Variants in ARL5B observed in about 807,000 individuals in gnomAD.
ARL5B encodes the protein ADP-ribosylation factor-like protein 5B.
ARL5B carries 10 observed loss-of-function variants against 26.9 expected under a neutral mutation model. The ratio of observed to expected loss-of-function variants is 0.37; its 90% CI spans 0.23 to 0.63. The LOEUF is 0.63. ARL5B is among the 30% of genes least tolerant of loss of function. The pLI, the probability that ARL5B is intolerant of heterozygous loss-of-function variation, is 0.62. For missense variants in ARL5B, 167 were observed against 213.9 expected (o/e 0.78, Z 1.37); for synonymous variants, 87 against 70.4 (o/e 1.24, Z -1.18).
intron 3 of ARL5B, among the ~76,000 whole-genome samples, chr10:18,671,628 T>TCATCTCCTC (rs1163993089): frequency 1.3e-5 from 2 of 151,828 alleles, no homozygotes; most frequent in Non-Finnish European, 2.9e-5. Context: ...TTTCGCTGTA[T>TCATCTCCTC]CATCTCCTCC....
Position 18,676,290 on chromosome 10 carries a change from A to G in ARL5B, c.*1074A>G, listed in dbSNP as rs1282288731. The G allele has an allele frequency of 6.6e-6, 1 of 152,510 alleles. No homozygotes were observed. The highest frequency in any genetic ancestry group is 1.9e-4 in the East Asian group (1 of 5,202). 9.4% of individuals were successfully genotyped at this position (152,510 alleles called of 1,614,324 possible). On this transcript the variant is annotated 3_prime_UTR_variant, in exon 6 of 6. Transcript: ENST00000377275. Reference sequence around the variant, plus strand: ...AATTTATTTGACGGTATTATGTAATAGACTTGAAACAATTGCCATCTTTGT... The same window carrying G: ...AATTTATTTGACGGTATTATGTAATGGACTTGAAACAATTGCCATCTTTGT...
intron 4 of ARL5B, among the ~76,000 whole-genome samples, chr10:18,673,718 A>T (rs2059898171): frequency 6.6e-6 from 1 of 152,040 alleles, no homozygotes. Flanking sequence ...CTATTAGAAT[A>T]TTAATTATGT....
At position 18,680,814 on chromosome 10, in the gene ARL5B, A is replaced by G. The variant is rs1263891234; in HGVS notation, c.*5598A>G. On this transcript the variant is annotated 3_prime_UTR_variant, in exon 6 of 6. Coordinates refer to ENST00000377275, the MANE Select transcript of ARL5B (RefSeq NM_178815.5). ...CAACAACAACAAAAACCTAACAGCA[A>G]TTACAACCTTGGTGTTGCGTTTATT... is the stretch of plus-strand genomic sequence containing the variant. The G allele has an allele frequency of 2.6e-5, 4 of 152,182 alleles. No individual in the cohort carries two copies. The highest frequency in any genetic ancestry group is 6.5e-5 in the Admixed American group (1 of 15,268). 9.4% of individuals were successfully genotyped at this position (152,182 alleles called of 1,614,324 possible). A position where few individuals can be genotyped will look rare whatever the true frequency, so the allele number is the denominator to read the frequency against.
intron 3 of ARL5B, among the ~76,000 whole-genome samples, chr10:18,671,144 A>G (rs969547786): frequency 8.5e-5 from 13 of 152,068 alleles, no homozygotes; most frequent in Non-Finnish European, 1.6e-4. Context: ...AACTCAGTTT[A>G]TATTCAGATT....
At chr10:18,659,759 G>A (rs1160268114) in intron 1 of ARL5B, 76 bp downstream of exon 1, 1 of 1,581,598 alleles carries the variant, frequency 6.3e-7, no homozygotes. Flanking sequence ...ACCGGAGACA[G>A]GGGACAGAGC....
intron 1 of ARL5B, among the ~76,000 whole-genome samples, chr10:18,663,706 G>A (rs753076349): frequency 6.6e-6 from 1 of 151,270 alleles, no homozygotes; most frequent in Non-Finnish European, 1.5e-5. Flanking sequence ...CTGCCACCAC[G>A]CCCGGCTGAT....
chr10:18,672,597 G>T, intron 3 of ARL5B, 25 bp from the exon 4 acceptor site: 1 of 1,572,794 alleles, frequency 6.4e-7, no homozygotes, highest in Non-Finnish European at 8.7e-7. Flanking sequence ...TCAATTTTCT[G>T]TCTTTCCTTT....
At chr10:18,669,880 G>A (rs1428234180) in intron 3 of ARL5B, among the ~76,000 whole-genome samples, 2 of 151,632 alleles carry the variant, frequency 1.3e-5, no homozygotes, top group African/African-American at 2.4e-5. Context: ...GTAGTCCCCA[G>A]CTACTCAGGA....
chr10:18,677,808 G>A lies in ARL5B; in HGVS notation c.*2592G>A, dbSNP rs945148136. ...TTATTTCAGTGATGAAATAATTTGT[G>A]TTTTATATCCCCCTTCACCTCCATG... On this transcript the variant is annotated 3_prime_UTR_variant, in exon 6 of 6. Transcript: ENST00000377275. The A allele has an allele frequency of 1.3e-4, 20 of 152,154 alleles. No individual in the cohort carries two copies. The highest frequency in any genetic ancestry group is 4.6e-4 in the African/African-American group (19 of 41,384). The allele number at this position is 152,154 out of a possible 1,614,324, so 9.4% of individuals were successfully genotyped here. A position where few individuals can be genotyped will look rare whatever the true frequency, so the allele number is the denominator to read the frequency against.
chr10:18,663,778 G>C (rs1348586831), intron 1 of ARL5B, among the ~76,000 whole-genome samples: 2 of 151,452 alleles, frequency 1.3e-5, no homozygotes, highest in African/African-American at 4.9e-5. Flanking sequence ...TCGATCTCCT[G>C]ACCTTGTGAT....
chr10:18,671,276 G>T (rs2059885883), intron 3 of ARL5B, among the ~76,000 whole-genome samples: 1 of 151,678 alleles, frequency 6.6e-6, no homozygotes, highest in Non-Finnish European at 1.5e-5. Flanking sequence ...AGGTTCAAAG[G>T]ATTCTCCTCC....
chr10:18,661,782 G>C (rs767644890), intron 1 of ARL5B, among the ~76,000 whole-genome samples: 13 of 152,234 alleles, frequency 8.5e-5, no homozygotes, highest in African/African-American at 2.9e-4. Flanking sequence ...TAGACAGACC[G>C]AATAGAAGGG....
Position 18,678,002 on chromosome 10 carries a change from G to A in ARL5B, c.*2786G>A, listed in dbSNP as rs2059917577. 6.6e-6 allele frequency: 1 copy of A among 151,710 alleles called. No homozygotes were observed. Among genetic ancestry groups the A allele is most frequent in the Non-Finnish European group, 1.5e-5 (1 of 67,726 alleles). 9.4% of individuals were successfully genotyped at this position (151,710 alleles called of 1,614,324 possible). A position where few individuals can be genotyped will look rare whatever the true frequency, so the allele number is the denominator to read the frequency against. On this transcript the variant is annotated 3_prime_UTR_variant, in exon 6 of 6. Coordinates refer to ENST00000377275, the MANE Select transcript of ARL5B (RefSeq NM_178815.5). ...AATTATCCTTGCAAGTTCAAATACA[G>A]CATTTTTCTTAATTTTGAGCGTGTC...
Position 18,676,386 on chromosome 10 carries a change from G to A in ARL5B, c.*1170G>A, listed in dbSNP as rs1461387356. ...AATCCTAGCTTTTAGAATATTAATA[G>A]GAGACTCAAAGTTAATATTCTTAAC... On this transcript the variant is annotated 3_prime_UTR_variant, in exon 6 of 6. Transcript: ENST00000377275. The A allele has an allele frequency of 5.3e-5, 8 of 151,940 alleles. No individual in the cohort carries two copies. Among genetic ancestry groups the A allele is most frequent in the Non-Finnish European group, 7.4e-5 (5 of 67,828 alleles). 9.4% of individuals were successfully genotyped at this position (151,940 alleles called of 1,614,324 possible).
intron 1 of ARL5B, among the ~76,000 whole-genome samples, chr10:18,661,046 G>A (rs1207849666): frequency 6.6e-6 from 1 of 151,956 alleles, no homozygotes; most frequent in Non-Finnish European, 1.5e-5. Flanking sequence ...ACAGGGTTTC[G>A]CCATGTTGGG....
rs2059916962 is a variant in ARL5B at position 18,677,873 on chromosome 10, A to T, written c.*2657A>T. The T allele has an allele frequency of 6.6e-6, 1 of 152,228 alleles. No homozygotes were observed. Among genetic ancestry groups the T allele is most frequent in the African/African-American group, 2.4e-5 (1 of 41,548 alleles). 9.4% of individuals were successfully genotyped at this position (152,228 alleles called of 1,614,324 possible). On this transcript the variant is annotated 3_prime_UTR_variant, in exon 6 of 6. Coordinates refer to ENST00000377275, the MANE Select transcript of ARL5B (RefSeq NM_178815.5). ...GTTTATAGTAAGTGAAAAGCAAGGG[A>T]CCCACCTACATTACCTTCAGGAGAC...
chr10:18,668,046 G>C (rs1037231242), intron 2 of ARL5B, among the ~76,000 whole-genome samples: 1 of 152,020 alleles, frequency 6.6e-6, no homozygotes, highest in Non-Finnish European at 1.5e-5. Context: ...CTTGCCCATG[G>C]TCATCTTTTT....
Position 18,677,323 on chromosome 10 carries a change from T to G in ARL5B, c.*2107T>G, listed in dbSNP as rs1211957747. The G allele has an allele frequency of 6.6e-6, 1 of 152,316 alleles. No individual in the cohort carries two copies. Among genetic ancestry groups the G allele is most frequent in the Non-Finnish European group, 1.5e-5 (1 of 67,834 alleles). The allele number at this position is 152,316 out of a possible 1,614,324, so 9.4% of individuals were successfully genotyped here. A position where few individuals can be genotyped will look rare whatever the true frequency, so the allele number is the denominator to read the frequency against. On this transcript the variant is annotated 3_prime_UTR_variant, in exon 6 of 6. Coordinates refer to ENST00000377275, the MANE Select transcript of ARL5B (RefSeq NM_178815.5). Reference sequence around the variant, plus strand: ...AGTGTTTTTAATAGTTGATTGTATTTTGCCAACTACTAGTATAGACTCAAA... The same window carrying G: ...AGTGTTTTTAATAGTTGATTGTATTGTGCCAACTACTAGTATAGACTCAAA...
chr10:18,659,892 G>A (rs535957359), intron 1 of ARL5B: 1 of 985,328 alleles, frequency 1.0e-6, no homozygotes, highest in Non-Finnish European at 1.2e-6. Flanking sequence ...CAGAAGAGAA[G>A]GTATTTGGCG....
Sources: allele counts gnomAD v4.1 joint callset (sites outside exome capture counted in the v4.1 genomes callset), GRCh38; gene constraint gnomAD v4.1.1; transcripts MANE v1.5; gene names NCBI Gene and HGNC (gene_info 2026-07-23, HGNC 2026-07-21).